RGS5: variants seen among roughly 807,000 people sequenced by gnomAD.
The protein encoded by RGS5 is regulator of G-protein signalling 5.
A neutral mutation model predicts 18.9 loss-of-function variants in RGS5; 20 were observed. That is an observed-to-expected ratio of 1.06 (90% CI 0.74 to 1.54). The LOEUF is 1.54. Ranked by LOEUF, RGS5 falls within the 40% of genes most tolerant of loss-of-function variation. The pLI is 0.00. For missense variants in RGS5, 201 were observed against 211.8 expected (o/e 0.95, Z 0.32); for synonymous variants, 57 against 76.2 (o/e 0.75, Z 1.31).
At chr1:163,175,101 A>G (rs1157463922) in intron 1 of RGS5, among the ~76,000 whole-genome samples, 1 of 152,186 alleles carries the variant, frequency 6.6e-6, no homozygotes, top group East Asian at 1.9e-4. Context: ...TCCACGGACT[A>G]AAAAGAACAT....
chr1:163,191,240 C>T (rs761219198), intron 1 of RGS5, among the ~76,000 whole-genome samples: 2 of 152,028 alleles, frequency 1.3e-5, no homozygotes, highest in Non-Finnish European at 2.9e-5. Context: ...GAGACTGACG[C>T]CAGTAGCCTT....
At chr1:163,202,693 A>T in intron 1 of RGS5, 99 bp downstream of exon 1, 2 of 998,148 alleles carry the variant, frequency 2.0e-6, no homozygotes, top group Non-Finnish European at 3.1e-6. Context: ...ACCTCAGCTT[A>T]GCCATAAACT....
rs569317690 is a variant in RGS5 at position 163,254,882 on chromosome 1, C to T, written c.-281+51351G>A. On this transcript the variant is annotated intron_variant, in intron 2 of 5. Coordinates refer to the RGS5 transcript ENST00000618415. ...TCTACATATGGCTAGCCAGTTTTCC[C>T]AGCACCATTTATTAAATAGGGAATC... 4.0e-5 allele frequency among the ~76,000 whole-genome samples: 6 copies of T among 151,476 alleles called. No individual in the cohort carries two copies. The South Asian group carries it at 1.1e-3, about 27-fold the overall frequency.
At chr1:163,170,645 A>G (rs1229174484) in intron 1 of RGS5, among the ~76,000 whole-genome samples, 5 of 152,188 alleles carry the variant, frequency 3.3e-5, no homozygotes, top group Non-Finnish European at 5.9e-5. Context: ...ATTTTCCTTT[A>G]GGCTAGTAAA....
At chr1:163,173,136 G>A (rs566788130) in intron 1 of RGS5, among the ~76,000 whole-genome samples, 27 of 152,068 alleles carry the variant, frequency 1.8e-4, no homozygotes, top group South Asian at 1.5e-3. Context: ...GCTTGGTCTC[G>A]GGCTCTATTT....
At chr1:163,216,324 C>T (rs141433858) in intron 1 of RGS5, among the ~76,000 whole-genome samples, 352 of 152,230 alleles carry the variant, frequency 2.3e-3, no homozygotes, top group Admixed American at 4.6e-3. Flanking sequence ...AGCTTCAATT[C>T]CCTTGCAGCC....
intron 3 of RGS5, among the ~76,000 whole-genome samples, chr1:163,155,320 C>T (rs1657538979): frequency 6.6e-6 from 1 of 152,182 alleles, no homozygotes; most frequent in African/African-American, 2.4e-5. Flanking sequence ...ACTGACTTTC[C>T]AGGGAATAAG....
chr1:163,183,066 A>C (rs919377744), intron 1 of RGS5, among the ~76,000 whole-genome samples: 1 of 152,232 alleles, frequency 6.6e-6, no homozygotes, highest in Non-Finnish European at 1.5e-5. Context: ...GTGTCCTCTC[A>C]TAATACATTT....
chr1:163,306,116 T>C (rs1447438347), intron 2 of RGS5: 1 of 152,212 alleles, frequency 6.6e-6, no homozygotes, highest in African/African-American at 2.4e-5. Flanking sequence ...TATTCCGTTA[T>C]TCTCATTTCA....
intron 2 of RGS5, among the ~76,000 whole-genome samples, chr1:163,261,410 T>C (rs926323519): frequency 6.6e-6 from 1 of 152,168 alleles, no homozygotes; most frequent in Non-Finnish European, 1.5e-5. Flanking sequence ...GCATACATAG[T>C]CTAAGCATCT....
intron 2 of RGS5, among the ~76,000 whole-genome samples, chr1:163,277,520 T>C (rs1441539509): frequency 3.9e-5 from 6 of 152,170 alleles, no homozygotes; most frequent in Non-Finnish European, 7.3e-5. Flanking sequence ...GCCTTTTGTT[T>C]TGGGTTAAAT....
At chr1:163,150,149 T>C (rs911571557) in intron 4 of RGS5, among the ~76,000 whole-genome samples, 1 of 152,196 alleles carries the variant, frequency 6.6e-6, no homozygotes, top group Non-Finnish European at 1.5e-5. Flanking sequence ...GGGTCTAATG[T>C]ATACTATTGT....
intron 2 of RGS5, among the ~76,000 whole-genome samples, chr1:163,267,853 C>T (rs1648609762): frequency 6.6e-6 from 1 of 152,070 alleles, no homozygotes; most frequent in African/African-American, 2.4e-5. Flanking sequence ...GATGCCTACC[C>T]TTCATAAATT....
intron 2 of RGS5, chr1:163,266,496 G>A (rs947812249): frequency 6.6e-6 from 1 of 151,994 alleles, no homozygotes; most frequent in African/African-American, 2.4e-5. Context: ...TAACCCTTTA[G>A]GTCATAAAGG....
intron 2 of RGS5, among the ~76,000 whole-genome samples, chr1:163,250,243 G>A (rs573587460): frequency 1.4e-4 from 21 of 152,288 alleles, no homozygotes; most frequent in Admixed American, 1.2e-3. Context: ...GATACAAGTA[G>A]CAGATTTAAT....
At chr1:163,194,928 T>C in intron 1 of RGS5, among the ~76,000 whole-genome samples, 1 of 152,088 alleles carries the variant, frequency 6.6e-6, no homozygotes, top group East Asian at 1.9e-4. Context: ...AATTAAAAAG[T>C]CAAAAAACAA....
At chr1:163,184,240 T>A (rs1038784837) in intron 1 of RGS5, among the ~76,000 whole-genome samples, 4 of 152,000 alleles carry the variant, frequency 2.6e-5, no homozygotes, top group Non-Finnish European at 4.4e-5. Context: ...ATGAACCATT[T>A]TAAACAAATA....
intron 2 of RGS5, among the ~76,000 whole-genome samples, chr1:163,222,754 G>T (rs1455574941): frequency 6.6e-6 from 1 of 152,154 alleles, no homozygotes; most frequent in African/African-American, 2.4e-5. Flanking sequence ...TAAAGACAGG[G>T]GTTCTTTGTT....
At chr1:163,194,819 T>A (rs1659499350) in intron 1 of RGS5, among the ~76,000 whole-genome samples, 1 of 152,208 alleles carries the variant, frequency 6.6e-6, no homozygotes, top group African/African-American at 2.4e-5. Context: ...CAATGAATTA[T>A]AGAATTATTG....
Sources: allele counts gnomAD v4.1 joint callset (sites outside exome capture counted in the v4.1 genomes callset), GRCh38; gene constraint gnomAD v4.1.1; transcripts MANE v1.5; gene names NCBI Gene and HGNC (gene_info 2026-07-23, HGNC 2026-07-21).